Variants in CRELD2 observed in about 807,000 individuals in gnomAD.
CRELD2 encodes protein disulfide isomerase CRELD2.
Under a neutral mutation model 48.1 loss-of-function variants are expected in CRELD2, and 33 were observed. The ratio of observed to expected loss-of-function variants is 0.69; its 90% CI spans 0.52 to 0.92. The LOEUF (loss-of-function observed/expected upper bound fraction) is 0.92. Among genes scored for constraint, CRELD2 ranks in the 40% least tolerant of loss-of-function variants. CRELD2 has a pLI of 0.00. For missense variants in CRELD2, 477 were observed against 482.4 expected (o/e 0.99, Z 0.10); for synonymous variants, 220 against 203.9 (o/e 1.08, Z -0.67).
chr22:49,923,565 C>G, intron 7 of CRELD2: 1 of 604,686 alleles, frequency 1.7e-6, no homozygotes, highest in Non-Finnish European at 3.0e-6. Context: ...CTCCACTGCT[C>G]GTGCCCCCCC....
At chr22:49,923,197 G>A in intron 6 of CRELD2, 37 bp from the exon 7 acceptor site, 2 of 1,517,412 alleles carry the variant, frequency 1.3e-6, no homozygotes, top group South Asian at 1.3e-5. Context: ...TGGCCGGGCT[G>A]TCCTGGGCCG....
intron 7 of CRELD2, chr22:49,924,158 G>A: frequency 2.0e-6 from 1 of 498,112 alleles, no homozygotes; most frequent in Non-Finnish European, 3.6e-6. Context: ...CTGCACCATG[G>A]CTCTCCGGGA....
chr22:49,920,784 G>A (rs568989716), intron 4 of CRELD2, among the ~76,000 whole-genome samples: 1 of 152,234 alleles, frequency 6.6e-6, no homozygotes, highest in Non-Finnish European at 1.5e-5. Flanking sequence ...GTGGTCAAGC[G>A]AGATCAGGTA....
At chr22:49,925,325 T>C in intron 8 of CRELD2, 92 bp from the exon 9 acceptor site, 1 of 879,026 alleles carries the variant, frequency 1.1e-6, no homozygotes, top group Non-Finnish European at 1.8e-6. Flanking sequence ...TTGTGCTTTC[T>C]TTATGTGAAT....
chr22:49,923,109 C>A, intron 6 of CRELD2, 125 bp from the exon 7 acceptor site: 1 of 692,886 alleles, frequency 1.4e-6, no homozygotes, highest in Non-Finnish European at 2.4e-6. Flanking sequence ...TCCTCAGGGG[C>A]TGCCCTCCTC....
At chr22:49,924,621 CAG>C (rs1423139492) in intron 8 of CRELD2, 166 bp downstream of exon 8, 1 of 507,178 alleles carries the variant, frequency 2.0e-6, no homozygotes, top group African/African-American at 1.9e-5. Context: ...ACGTGAGACA[CAG>C]AAGCAGTGGG....
At chr22:49,923,346 G>GGGGCCTGCACTCC in intron 7 of CRELD2, 29 bp downstream of exon 7, 1 of 1,557,080 alleles carries the variant, frequency 6.4e-7, no homozygotes, top group Non-Finnish European at 8.8e-7. Context: ...TCTGCACTCC[G>GGGGCCTGCACTCC]GGGCCTGCCG....
intron 8 of CRELD2, chr22:49,925,139 A>G: frequency 3.8e-6 from 1 of 264,744 alleles, no homozygotes; most frequent in Non-Finnish European, 7.2e-6. Context: ...TCAAAAAAAA[A>G]AAAAAAAGGA....
intron 1 of CRELD2, 97 bp from the exon 2 acceptor site, chr22:49,919,133 C>T (rs1569181990): frequency 5.4e-6 from 7 of 1,287,358 alleles, no homozygotes; most frequent in Non-Finnish European, 7.9e-6. Flanking sequence ...TCGACGCCAC[C>T]GTGGGCCTGG....
At chr22:49,920,792 G>A (rs2060677448) in intron 4 of CRELD2, among the ~76,000 whole-genome samples, 1 of 152,256 alleles carries the variant, frequency 6.6e-6, no homozygotes, top group African/African-American at 2.4e-5. Context: ...GCGAGATCAG[G>A]TAGCAGAAGT....
At chr22:49,920,910 T>G (rs2060679031) in intron 4 of CRELD2, among the ~76,000 whole-genome samples, 1 of 152,174 alleles carries the variant, frequency 6.6e-6, no homozygotes, top group Admixed American at 6.5e-5. Context: ...CTCCCTGCAG[T>G]CCCCGCGCCT....
chr22:49,924,927 C>G (rs937095798), intron 8 of CRELD2: 38 of 161,420 alleles, frequency 2.4e-4, no homozygotes, highest in African/African-American at 7.5e-4. Context: ...GTCAGGAGAT[C>G]GAGACCATCC....
intron 5 of CRELD2, chr22:49,922,080 G>T: frequency 1.6e-6 from 1 of 630,950 alleles, no homozygotes; most frequent in East Asian, 2.8e-5. Context: ...CCCCGCACCG[G>T]CCCAGAGAGC....
Position 49,920,327 on chromosome 22 carries a change from A to T in CRELD2, c.415+80A>T, listed in dbSNP as rs550570202. ...CATGATTCTTGGGAGGTAAAAGCAC[A>T]GAGGGGACCTGGGGTGCATCAGCTT... On this transcript the variant is annotated intron_variant, in intron 4 of 9. Transcript: ENST00000328268. 2.9e-6 allele frequency: 3 copies of T among 1,023,404 alleles called. No individual in the cohort carries two copies. In the South Asian group the frequency reaches 4.0e-5, roughly 14 times the overall value. The allele number at this position is 1,023,404 out of a possible 1,614,324, so 63.4% of individuals were successfully genotyped here. A position where few individuals can be genotyped will look rare whatever the true frequency, so the allele number is the denominator to read the frequency against.
chr22:49,925,605 C>CA, intron 9 of CRELD2, 48 bp downstream of exon 9: 1 of 1,608,062 alleles, frequency 6.2e-7, no homozygotes, highest in Non-Finnish European at 8.5e-7. Context: ...CCCTGGGCCG[C>CA]AGGGCTTGCA....
chr22:49,918,805 G>A lies in CRELD2; in HGVS notation c.36G>A (p.Leu12=), dbSNP rs2060641439. The A allele has an allele frequency of 7.5e-7, 1 of 1,329,286 alleles. No homozygotes were observed. The highest frequency in any genetic ancestry group is 9.6e-7 in the Non-Finnish European group (1 of 1,043,186). The allele number at this position is 1,329,286 out of a possible 1,614,324, so 82.3% of individuals were successfully genotyped here. ...CGCGCCGGGCCGCGCTGGGGCTCCT[G>A]CCGCTTCTGCTGCTGCTGCCGCCCG... ...RLPRRAALGL[L]PLLLLLPPAP... The change falls in exon 1 of 10, where the codon CTG becomes CTA. Residue 12 remains leucine, a synonymous_variant. Coordinates refer to ENST00000328268, the MANE Select transcript of CRELD2 (RefSeq NM_024324.5).
At chr22:49,920,452 A>G (rs909984854) in intron 4 of CRELD2, among the ~76,000 whole-genome samples, 1 of 152,032 alleles carries the variant, frequency 6.6e-6, no homozygotes, top group African/African-American at 2.4e-5. Context: ...CACTAACCTC[A>G]TGCTTTAGCG....
In CRELD2 at chr22:49,925,484, A is replaced by G. The variant is rs200948284; in HGVS notation, c.936A>G (p.Pro312=). 6.2e-7 allele frequency: 1 copy of G among 1,614,042 alleles called. No individual in the cohort carries two copies. The highest frequency in any genetic ancestry group is 1.1e-5 in the South Asian group (1 of 91,090). The part of the protein sequence containing the change: ...VRKNENCYNT[P]GSYVCVCPDG... ...AAAACGAAAACTGCTACAATACTCC[A>G]GGGAGCTACGTCTGTGTGTGTCCTG... The change falls in exon 9 of 10, where the codon CCA becomes CCG. Residue 312 remains proline, a synonymous_variant. Transcript: ENST00000328268.
At chr22:49,920,641 G>T (rs9616390) in intron 4 of CRELD2, among the ~76,000 whole-genome samples, 1 of 152,154 alleles carries the variant, frequency 6.6e-6, no homozygotes, top group Non-Finnish European at 1.5e-5. Context: ...TGCAGAGAGC[G>T]CAGGGCACTG....
Sources: allele counts gnomAD v4.1 joint callset (sites outside exome capture counted in the v4.1 genomes callset), GRCh38; gene constraint gnomAD v4.1.1; transcripts MANE v1.5; gene names NCBI Gene and HGNC (gene_info 2026-07-23, HGNC 2026-07-21).